Variants in RRAS2 observed in about 807,000 individuals in gnomAD.
The protein encoded by RRAS2 is ras-related protein R-Ras2.
A neutral mutation model predicts 27.6 loss-of-function variants in RRAS2; 7 were observed. That is an observed-to-expected ratio of 0.25 (90% CI 0.14 to 0.48). The LOEUF (loss-of-function observed/expected upper bound fraction) is 0.48. RRAS2 is among the 20% of genes least tolerant of loss of function. RRAS2 has a pLI of 0.99. For synonymous variants in RRAS2, 86 were observed against 90.9 expected (o/e 0.95, Z 0.31); for missense variants, 178 against 256.2 (o/e 0.69, Z 2.08).
In RRAS2 at chr11:14,359,108, CG is replaced by C. The variant is rs1274942410; in HGVS notation, c.-239del. 8.6e-6 allele frequency: 9 copies of C among 1,052,546 alleles called. No homozygotes were observed. Among genetic ancestry groups the C allele is most frequent in the East Asian group, 7.2e-5 (1 of 13,836 alleles). The allele number at this position is 1,052,546 out of a possible 1,614,324, so 65.2% of individuals were successfully genotyped here. ...GGCACGGGCCAGGGGCGGCAGCGGC[CG>C]GGGGGCGCGCTCCTCTACGCGTCTC... On this transcript the variant is annotated 5_prime_UTR_variant, in exon 1 of 6. Coordinates refer to ENST00000256196, the MANE Select transcript of RRAS2 (RefSeq NM_012250.6).
chr11:14,315,821 T>A (rs1393334237), intron 1 of RRAS2, among the ~76,000 whole-genome samples: 2 of 152,192 alleles, frequency 1.3e-5, no homozygotes, highest in African/African-American at 2.4e-5. Context: ...TGTAAAAGCT[T>A]AAATTTAATT....
chr11:14,339,811 T>C (rs544245645), intron 1 of RRAS2, among the ~76,000 whole-genome samples: 3 of 152,304 alleles, frequency 2.0e-5, no homozygotes, highest in South Asian at 4.1e-4. Context: ...TTTTATTTTA[T>C]ACATTTAAAA....
At chr11:14,290,524 G>C (rs1849783249) in intron 4 of RRAS2, among the ~76,000 whole-genome samples, 1 of 152,154 alleles carries the variant, frequency 6.6e-6, no homozygotes, top group Non-Finnish European at 1.5e-5. Flanking sequence ...TCAATAGCAT[G>C]CCCCCTAAGG....
Position 14,281,718 on chromosome 11 carries a change from T to A in RRAS2, c.411A>T (p.Val137=). The A allele has an allele frequency of 2.5e-6, 4 of 1,597,754 alleles. No individual in the cohort carries two copies. The highest frequency in any genetic ancestry group is 3.4e-6 in the Non-Finnish European group (4 of 1,172,904). Residue 137 remains valine, a splice_region_variant and synonymous_variant, in exon 5 of 6, where the codon GTA becomes GTT. Coordinates refer to ENST00000256196, the MANE Select transcript of RRAS2 (RefSeq NM_012250.6). ...NKADLDHQRQ[V]TQEEGQQLAR... is the part of the protein sequence containing the mutation. The stretch of plus-strand genomic sequence containing the variant: ...CTAACTGTTGTCCTTCTTCCTGTGT[T>A]ACCTGAAATTCCAACAGTTATGTTT...
chr11:14,362,975 A>G (rs1653879528), upstream of RRAS2, among the ~76,000 whole-genome samples: 1 of 152,244 alleles, frequency 6.6e-6, no homozygotes, highest in Admixed American at 6.5e-5. Context: ...AGATCTAGCC[A>G]GCGCATATGT....
chr11:14,292,682 T>A (rs1408313646), intron 4 of RRAS2, among the ~76,000 whole-genome samples: 1 of 152,346 alleles, frequency 6.6e-6, no homozygotes, highest in South Asian at 2.1e-4. Context: ...ACAGTTTATA[T>A]TGATTTGAAA....
intron 1 of RRAS2, among the ~76,000 whole-genome samples, chr11:14,318,966 TCA>T (rs1554949892): frequency 6.6e-6 from 1 of 152,204 alleles, no homozygotes; most frequent in Non-Finnish European, 1.5e-5. Flanking sequence ...CATTGAAACC[TCA>T]CAGTCCATGA....
chr11:14,328,033 C>A (rs1848400617), intron 1 of RRAS2, among the ~76,000 whole-genome samples: 1 of 152,088 alleles, frequency 6.6e-6, no homozygotes. Context: ...ATAAAATCTA[C>A]CACTGTAGTG....
At chr11:14,346,695 TTG>T (rs1848838704) in intron 1 of RRAS2, among the ~76,000 whole-genome samples, 1 of 152,222 alleles carries the variant, frequency 6.6e-6, no homozygotes, top group Non-Finnish European at 1.5e-5. Context: ...TAACAATATA[TTG>T]TACTCTTGTA....
At chr11:14,352,752 T>TAGAGAGAG (rs1364375183) in intron 1 of RRAS2, among the ~76,000 whole-genome samples, 14 of 127,192 alleles carry the variant, frequency 1.1e-4, no homozygotes, top group Admixed American at 3.1e-4. Flanking sequence ...AAAATATATA[T>TAGAGAGAG]ATATAGAGAG....
chr11:14,277,926 G>A lies in RRAS2; in HGVS notation c.*1411C>T, dbSNP rs1484575565. On this transcript the variant is annotated 3_prime_UTR_variant, in exon 6 of 6. Coordinates refer to ENST00000256196, the MANE Select transcript of RRAS2 (RefSeq NM_012250.6). ...AATGAGTAATCAAACATCATCTTGT[G>A]ATAACAGATCAATTTTAATTCTAGC... is the stretch of plus-strand genomic sequence containing the variant. 6.6e-5 allele frequency: 10 copies of A among 152,178 alleles called. No homozygotes were observed. Among genetic ancestry groups the A allele is most frequent in the African/African-American group, 1.4e-4 (6 of 41,428 alleles). The allele number at this position is 152,178 out of a possible 1,614,324, so 9.4% of individuals were successfully genotyped here.
chr11:14,300,373 C>G (rs781931933), intron 1 of RRAS2, among the ~76,000 whole-genome samples: 4 of 152,108 alleles, frequency 2.6e-5, no homozygotes, highest in Non-Finnish European at 4.4e-5. Context: ...GAGATAAAAT[C>G]GGGTCTGGCA....
rs201766348 is a variant in RRAS2, at chr11:14,279,311, C to A, written c.*26G>T. On this transcript the variant is annotated 3_prime_UTR_variant, in exon 6 of 6. Coordinates refer to ENST00000256196, the MANE Select transcript of RRAS2 (RefSeq NM_012250.6). The stretch of plus-strand genomic sequence containing the variant: ...AGAGAAGATGAGGGCTTTTCCTGGC[C>A]GTTGGTAGCTAAAACTGAAGGGATT... The A allele has an allele frequency of 1.3e-6, 2 of 1,514,136 alleles. No homozygotes were observed. The highest frequency in any genetic ancestry group is 1.8e-6 in the Non-Finnish European group (2 of 1,089,688). The allele number at this position is 1,514,136 out of a possible 1,614,324, so 93.8% of individuals were successfully genotyped here.
chr11:14,340,420 A>C (rs888406772), intron 1 of RRAS2, among the ~76,000 whole-genome samples: 2 of 151,992 alleles, frequency 1.3e-5, no homozygotes, highest in African/African-American at 4.8e-5. Flanking sequence ...TATTCTGAGA[A>C]TCCCACAGGC....
intron 1 of RRAS2, among the ~76,000 whole-genome samples, chr11:14,339,462 G>A (rs1286526546): frequency 6.6e-6 from 1 of 152,054 alleles, no homozygotes; most frequent in African/African-American, 2.4e-5. Context: ...CCAGATTCTA[G>A]GATCAAAAAG....
intron 1 of RRAS2, among the ~76,000 whole-genome samples, chr11:14,313,977 T>A (rs1848036494): frequency 6.6e-6 from 1 of 152,248 alleles, no homozygotes; most frequent in Admixed American, 6.5e-5. Context: ...TTAGCAAGTA[T>A]TTTTAATTTA....
chr11:14,360,578 T>C (rs1193275653), upstream of RRAS2, among the ~76,000 whole-genome samples: 4 of 152,022 alleles, frequency 2.6e-5, no homozygotes, highest in Non-Finnish European at 4.4e-5. Context: ...TTTTTTTTTT[T>C]TTAAGAGACA....
chr11:14,339,716 A>AT (rs547715646), intron 1 of RRAS2, among the ~76,000 whole-genome samples: 230 of 152,310 alleles, frequency 1.5e-3, no homozygotes, highest in African/African-American at 5.3e-3. Flanking sequence ...GTTAAAAAGA[A>AT]TTTTTTTAAA....
intron 1 of RRAS2, among the ~76,000 whole-genome samples, chr11:14,351,890 G>A (rs1355738237): frequency 7.8e-5 from 7 of 90,022 alleles, no homozygotes; most frequent in Non-Finnish European, 1.1e-4. Context: ...GTGAGACTCC[G>A]TCTCAAAAAA....
Sources: allele counts gnomAD v4.1 joint callset (sites outside exome capture counted in the v4.1 genomes callset), GRCh38; gene constraint gnomAD v4.1.1; transcripts MANE v1.5; gene names NCBI Gene and HGNC (gene_info 2026-07-23, HGNC 2026-07-21).